Variants in PPARGC1A observed in about 807,000 individuals in gnomAD.
The protein encoded by PPARGC1A is peroxisome proliferator-activated receptor gamma coactivator 1-alpha.
In PPARGC1A, 25 loss-of-function variants were observed where a neutral mutation model predicts 88.7. The ratio of observed to expected loss-of-function variants is 0.28; its 90% CI spans 0.21 to 0.39. PPARGC1A has a LOEUF of 0.39. PPARGC1A is among the 10% of genes least tolerant of loss of function. The probability of loss-of-function intolerance (pLI) is 1.00; values close to 1 mark genes in which losing one functional copy is unlikely to be tolerated. For missense variants in PPARGC1A, 880 were observed against 968.7 expected (o/e 0.91, Z 1.22); for synonymous variants, 363 against 355.6 (o/e 1.02, Z -0.24).
chr4:24,041,497 C>T, the PPARGC1A span, among the ~76,000 whole-genome samples: 3 of 152,128 alleles, frequency 2.0e-5, no homozygotes, highest in African/African-American at 7.2e-5. Context: ...TTAACCCTTC[C>T]CATATCTCGA....
At chr4:24,205,241 G>C in the PPARGC1A span, among the ~76,000 whole-genome samples, 1 of 152,110 alleles carries the variant, frequency 6.6e-6, no homozygotes, top group African/African-American at 2.4e-5. Flanking sequence ...TATTGATCCC[G>C]GAGCATCTTA....
the PPARGC1A span, among the ~76,000 whole-genome samples, chr4:24,058,264 A>C: frequency 1.3e-5 from 2 of 152,190 alleles, no homozygotes; most frequent in Admixed American, 1.3e-4. Context: ...CACAATAATA[A>C]ACCTCCAAGA....
At chr4:23,874,251 T>G (rs1288288553) in intron 2 of PPARGC1A, among the ~76,000 whole-genome samples, 1 of 152,158 alleles carries the variant, frequency 6.6e-6, no homozygotes, top group African/African-American at 2.4e-5. Flanking sequence ...TCAAAGTAAC[T>G]CCAGAAGTGG....
At chr4:23,928,956 C>T in the PPARGC1A span, among the ~76,000 whole-genome samples, 1 of 151,914 alleles carries the variant, frequency 6.6e-6, no homozygotes, top group Non-Finnish European at 1.5e-5. Context: ...AGGGGAACAA[C>T]ACACACTGGG....
the PPARGC1A span, among the ~76,000 whole-genome samples, chr4:23,940,501 A>G: frequency 6.6e-6 from 1 of 152,230 alleles, no homozygotes; most frequent in Admixed American, 6.5e-5. Context: ...CCATTTGAAA[A>G]CATTTTATAG....
the PPARGC1A span, among the ~76,000 whole-genome samples, chr4:24,092,004 T>A: frequency 6.6e-6 from 1 of 151,960 alleles, no homozygotes; most frequent in African/African-American, 2.4e-5. Context: ...GTTGCATCAG[T>A]GGGCTGGTGT....
At chr4:23,968,632 T>G in the PPARGC1A span, among the ~76,000 whole-genome samples, 46 of 152,304 alleles carry the variant, frequency 3.0e-4, no homozygotes, top group Middle Eastern at 3.4e-3. Context: ...TAAGAACTAT[T>G]GGCCAGGTGC....
At chr4:23,894,982 G>A (rs1718356028), upstream of PPARGC1A, among the ~76,000 whole-genome samples, 1 of 151,702 alleles carries the variant, frequency 6.6e-6, no homozygotes, top group Non-Finnish European at 1.5e-5. Context: ...TTTTTTAAGT[G>A]GAACTGAACA....
chr4:23,956,211 G>T, the PPARGC1A span, among the ~76,000 whole-genome samples: 9 of 152,044 alleles, frequency 5.9e-5, no homozygotes, highest in African/African-American at 1.9e-4. Context: ...GTCAATACCT[G>T]CTCCAGACTC....
At chr4:24,196,991 A>G in the PPARGC1A span, among the ~76,000 whole-genome samples, 1 of 152,202 alleles carries the variant, frequency 6.6e-6, no homozygotes, top group Non-Finnish European at 1.5e-5. Context: ...AGCACTGGAT[A>G]TTTTTATGAC....
intron 2 of PPARGC1A, among the ~76,000 whole-genome samples, chr4:23,878,662 AAC>A (rs145210475): frequency 6.6e-6 from 1 of 151,278 alleles, no homozygotes; most frequent in African/African-American, 2.4e-5. Context: ...TGTGTAGATG[AAC>A]ACACACACAC....
the PPARGC1A span, among the ~76,000 whole-genome samples, chr4:24,071,293 T>C: frequency 2.3e-4 from 35 of 152,182 alleles, no homozygotes; most frequent in Admixed American, 1.7e-3. Flanking sequence ...ATCACTATTA[T>C]ATGGTCTTCC....
chr4:23,967,483 TG>T, the PPARGC1A span, among the ~76,000 whole-genome samples: 2 of 152,080 alleles, frequency 1.3e-5, no homozygotes, highest in Non-Finnish European at 2.9e-5. Flanking sequence ...CCAGTGCTGA[TG>T]GGATTAGTCT....
At chr4:24,467,511 T>A in the PPARGC1A span, among the ~76,000 whole-genome samples, 1 of 152,070 alleles carries the variant, frequency 6.6e-6, no homozygotes, top group Non-Finnish European at 1.5e-5. Context: ...ATGCCAACAT[T>A]GTCACCACTT....
chr4:24,389,370 A>T, the PPARGC1A span, among the ~76,000 whole-genome samples: 8 of 152,172 alleles, frequency 5.3e-5, no homozygotes, highest in African/African-American at 1.7e-4. Flanking sequence ...AATGGTTAGA[A>T]GGAGGCTCCA....
the PPARGC1A span, among the ~76,000 whole-genome samples, chr4:24,233,672 C>G: frequency 6.6e-5 from 10 of 152,022 alleles, no homozygotes; most frequent in African/African-American, 2.4e-4. Context: ...ACCTTCCAAA[C>G]ATTTCTCTTC....
chr4:24,057,759 G>A, the PPARGC1A span, among the ~76,000 whole-genome samples: 2 of 152,220 alleles, frequency 1.3e-5, no homozygotes, highest in Non-Finnish European at 2.9e-5. Context: ...TTCTTTTGCA[G>A]TGAGATGAGC....
the PPARGC1A span, among the ~76,000 whole-genome samples, chr4:24,322,806 C>T: frequency 3.3e-5 from 5 of 152,302 alleles, no homozygotes; most frequent in East Asian, 9.6e-4. Flanking sequence ...CGACTGCTTA[C>T]TGGGACACCA....
the PPARGC1A span, among the ~76,000 whole-genome samples, chr4:23,940,415 G>T: frequency 6.6e-6 from 1 of 152,226 alleles, no homozygotes; most frequent in Admixed American, 6.5e-5. Flanking sequence ...CTTAAAAGAT[G>T]AGTTGGAATT....
Sources: allele counts gnomAD v4.1 joint callset (sites outside exome capture counted in the v4.1 genomes callset), GRCh38; gene constraint gnomAD v4.1.1; transcripts MANE v1.5; gene names NCBI Gene and HGNC (gene_info 2026-07-23, HGNC 2026-07-21).